The following FBN1 variants were observed in gnomAD, a reference collection of about 807,000 sequenced individuals.
FBN1 encodes the protein fibrillin 1.
FBN1 carries 29 observed loss-of-function variants against 365.1 expected under a neutral mutation model. The observed-to-expected ratio is 0.08, with a 90% confidence interval of 0.06 to 0.11. The LOEUF is 0.11. Among genes scored for constraint, FBN1 ranks in the 10% least tolerant of loss-of-function variants. The probability of loss-of-function intolerance (pLI) is 1.00; values close to 1 mark genes in which losing one functional copy is unlikely to be tolerated. For missense variants in FBN1, 2,476 were observed against 3,703.2 expected, an observed-to-expected ratio of 0.67 and a Z score of 8.60; for synonymous variants, 1,210 against 1,270.5, an observed-to-expected ratio of 0.95 and a Z score of 1.01.
intron 47 of FBN1, among the ~76,000 whole-genome samples, chr15:48,445,792 T>C (rs2141249560): frequency 6.6e-6 from 1 of 152,206 alleles, no homozygotes; most frequent in East Asian, 1.9e-4. Flanking sequence ...TATTTTTAAA[T>C]TTTAGATTTA....
Position 48,428,468 on chromosome 15 carries a change from T to G in FBN1, c.6875A>C (p.Glu2292Ala). ...CCCTGGCTTCGTCTGACATTCATTC[T>G]CATCTGTTTGATTTTATTGAAGGAC... is the stretch of plus-strand genomic sequence containing the variant. Reference protein sequence around the residue: ...RRPDGEGCVDENECQTKPGIC... With the variant: ...RRPDGEGCVDANECQTKPGIC... The change falls in exon 57 of 66, where the codon GAG becomes GCG. Residue 2292 changes from glutamate (E) to alanine (A), a missense_variant. By Grantham distance (107) the Glu-to-Ala change is moderately radical. Coordinates refer to ENST00000316623, the MANE Select transcript of FBN1 (RefSeq NM_000138.5). 6.2e-7 allele frequency: 1 copy of G among 1,614,086 alleles called. No homozygotes were observed. The highest frequency in any genetic ancestry group is 8.5e-7 in the Non-Finnish European group (1 of 1,179,962).
rs1007641399 is a variant in FBN1, at chr15:48,591,775, T to G, written c.538+4508A>C. On this transcript the variant is annotated intron_variant, in intron 6 of 65. Coordinates refer to ENST00000316623, the MANE Select transcript of FBN1 (RefSeq NM_000138.5). ...CGAGTGGCCCCTTTCCAGTGAGGTC[T>G]TTAGAGTTATGAGTGGCCCCTTTCC... Among the ~76,000 whole-genome samples the G allele has an allele frequency of 2.7e-5, 4 of 150,410 alleles. No individual in the cohort carries two copies. The East Asian group carries it at 5.8e-4, about 22-fold the overall frequency.
At chr15:48,584,201 G>A (rs530672488) in intron 6 of FBN1, among the ~76,000 whole-genome samples, 1 of 152,178 alleles carries the variant, frequency 6.6e-6, no homozygotes, top group Non-Finnish European at 1.5e-5. Flanking sequence ...TAATCTTCCT[G>A]ACAATCTTAC....
intron 38 of FBN1, among the ~76,000 whole-genome samples, chr15:48,467,062 G>A (rs1055126276): frequency 6.6e-6 from 1 of 152,164 alleles, no homozygotes; most frequent in Admixed American, 6.5e-5. Context: ...CTTGCCCAAG[G>A]TTACATGGGT....
In FBN1 at chr15:48,611,614, C is replaced by G. The variant is rs75774123; in HGVS notation, c.248-788G>C. On this transcript the variant is annotated intron_variant, in intron 3 of 65. Coordinates refer to ENST00000316623, the MANE Select transcript of FBN1 (RefSeq NM_000138.5). ...TCCTGTTCTGAATTCCATCAACAGT[C>G]TGAGAGAAGAATGCTGGAATCTACT... is the stretch of plus-strand genomic sequence containing the variant. 6.2e-3 allele frequency among the ~76,000 whole-genome samples: 938 copies of G among 152,156 alleles called. 12 individuals are homozygous for G. The highest frequency in any genetic ancestry group is 0.022 in the African/African-American group (897 of 41,458).
At chr15:48,525,088 CTA>C (rs1221252176) in intron 9 of FBN1, among the ~76,000 whole-genome samples, 31 of 132,296 alleles carry the variant, frequency 2.3e-4, no homozygotes, top group African/African-American at 9.0e-4. Context: ...GCTGTCAAAT[CTA>C]TTTTTTTTTT....
At chr15:48,596,881 A>G (rs1020418334) in intron 5 of FBN1, among the ~76,000 whole-genome samples, 5 of 152,282 alleles carry the variant, frequency 3.3e-5, no homozygotes, top group African/African-American at 1.2e-4. Flanking sequence ...ATTGAGAGTT[A>G]TAACAGAACT....
At chr15:48,568,711 T>C (rs2044280522) in intron 6 of FBN1, among the ~76,000 whole-genome samples, 1 of 152,102 alleles carries the variant, frequency 6.6e-6, no homozygotes, top group East Asian at 1.9e-4. Flanking sequence ...TAACTGATTT[T>C]CAGCAAAAGT....
intron 6 of FBN1, among the ~76,000 whole-genome samples, chr15:48,567,343 T>A (rs1191496785): frequency 6.6e-6 from 1 of 152,170 alleles, no homozygotes; most frequent in Non-Finnish European, 1.5e-5. Context: ...ATTCACAAGA[T>A]AAGAAATGAT....
At chr15:48,483,417 A>G (rs2043481544) in intron 31 of FBN1, among the ~76,000 whole-genome samples, 1 of 152,266 alleles carries the variant, frequency 6.6e-6, no homozygotes, top group African/African-American at 2.4e-5. Context: ...AAGGCATAAC[A>G]ATAGAAACTA....
chr15:48,542,780 GAT>G (rs1566923364), intron 6 of FBN1, among the ~76,000 whole-genome samples: 4 of 79,168 alleles, frequency 5.1e-5, no homozygotes, highest in African/African-American at 2.6e-4. Context: ...AGGACTCTAA[GAT>G]GTGTGTGTGT....
chr15:48,428,518 C>G (rs748541888), intron 56 of FBN1, 47 bp from the exon 57 acceptor site: 13 of 1,609,886 alleles, frequency 8.1e-6, no homozygotes. Context: ...GTCATCTGAC[C>G]ATTTTATAGA....
chr15:48,582,109 G>C (rs765361881), intron 6 of FBN1, among the ~76,000 whole-genome samples: 1 of 152,174 alleles, frequency 6.6e-6, no homozygotes, highest in Non-Finnish European at 1.5e-5. Flanking sequence ...TTAAAAAGTC[G>C]AGGGAAAAAA....
intron 24 of FBN1, among the ~76,000 whole-genome samples, chr15:48,491,784 T>C (rs966440006): frequency 2.0e-5 from 3 of 152,212 alleles, no homozygotes; most frequent in African/African-American, 4.8e-5. Flanking sequence ...GGATATACTC[T>C]AGGCAGGCAG....
chr15:48,462,297 T>C (rs2043285148), intron 42 of FBN1, among the ~76,000 whole-genome samples: 1 of 152,188 alleles, frequency 6.6e-6, no homozygotes, highest in African/African-American at 2.4e-5. Flanking sequence ...ATATACCATA[T>C]GATATAAGAA....
At chr15:48,466,521 T>C (rs1459782440) in intron 38 of FBN1, among the ~76,000 whole-genome samples, 3 of 152,246 alleles carry the variant, frequency 2.0e-5, no homozygotes, top group African/African-American at 4.8e-5. Context: ...GTACAGGACA[T>C]GTGAATAAGA....
chr15:48,438,017 C>G, intron 50 of FBN1, 100 bp from the exon 51 acceptor site: 4 of 1,211,076 alleles, frequency 3.3e-6, no homozygotes, highest in Non-Finnish European at 1.2e-6. Context: ...ATATGTTCTC[C>G]TCTCAGGACC....
rs751177817 is a variant in FBN1, at chr15:48,410,940, A to G, written c.*50T>C. ...TCTGATTGGGGGAAAATATAGTTCTACCTATCTATATTTGTTTTTCTTTTA... is the reference window on the plus strand; with the variant it reads ...TCTGATTGGGGGAAAATATAGTTCTGCCTATCTATATTTGTTTTTCTTTTA... On this transcript the variant is annotated 3_prime_UTR_variant, in exon 66 of 66. Transcript: ENST00000316623. The G allele has an allele frequency of 1.4e-6, 2 of 1,475,336 alleles. No homozygotes were observed. Among genetic ancestry groups the G allele is most frequent in the East Asian group, 2.3e-5 (1 of 43,920 alleles). The allele number at this position is 1,475,336 out of a possible 1,614,324, so 91.4% of individuals were successfully genotyped here.
chr15:48,570,319 C>A (rs77358407), intron 6 of FBN1, among the ~76,000 whole-genome samples: 2 of 152,158 alleles, frequency 1.3e-5, no homozygotes, highest in African/African-American at 4.8e-5. Flanking sequence ...ATTAACATCA[C>A]GTTCTAGCAA....
Sources: allele counts gnomAD v4.1 joint callset (sites outside exome capture counted in the v4.1 genomes callset), GRCh38; gene constraint gnomAD v4.1.1; transcripts MANE v1.5; gene names NCBI Gene and HGNC (gene_info 2026-07-23, HGNC 2026-07-21).